DGKB: variants seen among roughly 807,000 people sequenced by gnomAD.
The protein encoded by DGKB is 90 kDa diacylglycerol kinase.
Under a neutral mutation model 114.3 loss-of-function variants are expected in DGKB, and 67 were observed. The observed-to-expected ratio is 0.59, with a 90% CI of 0.48 to 0.72. DGKB has a LOEUF of 0.72. Ranked by LOEUF, DGKB falls within the 30% of genes least tolerant of loss-of-function variation. The probability of loss-of-function intolerance (pLI) is 0.00; values close to 1 mark genes in which losing one functional copy is unlikely to be tolerated. For synonymous variants in DGKB, 398 were observed against 323.1 expected (o/e 1.23, Z -2.49); for missense variants, 907 against 975.2 (o/e 0.93, Z 0.93).
chr7:14,570,382 T>C (rs945963259), intron 20 of DGKB, among the ~76,000 whole-genome samples: 13 of 152,034 alleles, frequency 8.6e-5, no homozygotes, highest in African/African-American at 3.1e-4. Context: ...CTTGACTTTT[T>C]GTATTTAAAT....
intron 3 of DGKB, among the ~76,000 whole-genome samples, chr7:14,754,323 T>C (rs1306428115): frequency 3.9e-5 from 6 of 152,272 alleles, no homozygotes; most frequent in Admixed American, 1.3e-4. Context: ...ATTAGATAAA[T>C]ATAATATGTA....
At chr7:14,935,337 C>T (rs1785219495) in intron 1 of DGKB, among the ~76,000 whole-genome samples, 1 of 152,022 alleles carries the variant, frequency 6.6e-6, no homozygotes, top group Non-Finnish European at 1.5e-5. Flanking sequence ...AGAGTTTCGC[C>T]AAGGCTTAAT....
chr7:14,903,014 A>G (rs112010573), upstream of DGKB: 26 of 151,988 alleles, frequency 1.7e-4, 2 homozygotes, highest in African/African-American at 6.3e-4. Flanking sequence ...CCGCTCCTCT[A>G]TCGCGTCCAC....
chr7:14,596,499 C>A (rs997701649), intron 17 of DGKB, among the ~76,000 whole-genome samples: 1 of 152,094 alleles, frequency 6.6e-6, no homozygotes, highest in African/African-American at 2.4e-5. Flanking sequence ...TGGGGATATG[C>A]CTGGAAGTCA....
chr7:14,965,654 C>T (rs1787106630), intron 1 of DGKB, among the ~76,000 whole-genome samples: 1 of 152,038 alleles, frequency 6.6e-6, no homozygotes, highest in Non-Finnish European at 1.5e-5. Flanking sequence ...GTTTAACACA[C>T]AGAAATGAAA....
intron 8 of DGKB, 69 bp from the exon 9 acceptor site, chr7:14,694,263 T>A: frequency 7.2e-7 from 1 of 1,387,408 alleles, no homozygotes; most frequent in Non-Finnish European, 9.9e-7. Flanking sequence ...CTACAACATA[T>A]GAAATTGTGA....
intron 23 of DGKB, among the ~76,000 whole-genome samples, chr7:14,304,247 T>G (rs1480483612): frequency 2.0e-5 from 3 of 152,116 alleles, no homozygotes; most frequent in Non-Finnish European, 4.4e-5. Flanking sequence ...TTATTTTTAT[T>G]TTTTATTTTT....
intron 20 of DGKB, among the ~76,000 whole-genome samples, chr7:14,531,394 C>T (rs1791562699): frequency 6.6e-6 from 1 of 151,376 alleles, no homozygotes; most frequent in Non-Finnish European, 1.5e-5. Flanking sequence ...GAAAAATTAA[C>T]TATTTCTATA....
At chr7:14,530,444 T>C (rs1039343758) in intron 20 of DGKB, among the ~76,000 whole-genome samples, 12 of 151,572 alleles carry the variant, frequency 7.9e-5, no homozygotes, top group African/African-American at 2.7e-4. Context: ...ATGATTGACC[T>C]ATAAATAGTT....
upstream of DGKB, among the ~76,000 whole-genome samples, chr7:14,906,841 T>G (rs1783737087): frequency 6.6e-6 from 1 of 152,226 alleles, no homozygotes; most frequent in African/African-American, 2.4e-5. Flanking sequence ...AAACATTTAT[T>G]AAACATCTAT....
intron 2 of DGKB, among the ~76,000 whole-genome samples, chr7:14,796,510 C>T (rs1015179155): frequency 1.3e-5 from 2 of 151,968 alleles, no homozygotes; most frequent in Admixed American, 1.3e-4. Flanking sequence ...AAATTGTAAT[C>T]AGAGATGAAA....
intron 20 of DGKB, among the ~76,000 whole-genome samples, chr7:14,485,125 C>A (rs563508272): frequency 9.6e-4 from 144 of 149,992 alleles, no homozygotes; most frequent in African/African-American, 3.5e-3. Flanking sequence ...CACACACACA[C>A]ACACACACAC....
intron 1 of DGKB, among the ~76,000 whole-genome samples, chr7:14,909,745 A>AT (rs1783889165): frequency 1.3e-5 from 2 of 152,166 alleles, no homozygotes; most frequent in Non-Finnish European, 1.5e-5. Flanking sequence ...GTCTTGGGTG[A>AT]TTTATCTAAA....
intron 20 of DGKB, among the ~76,000 whole-genome samples, chr7:14,489,702 G>A (rs923190428): frequency 9.9e-5 from 15 of 152,126 alleles, no homozygotes; most frequent in African/African-American, 3.1e-4. Context: ...TGACCAAAGC[G>A]GTATGAGTGG....
intron 20 of DGKB, among the ~76,000 whole-genome samples, chr7:14,489,024 C>CT (rs11399215): frequency 0.075 from 11,428 of 152,118 alleles, 957 homozygotes; most frequent in African/African-American, 0.21. Flanking sequence ...TCATCTGTGT[C>CT]TTAACATAGA....
intron 20 of DGKB, among the ~76,000 whole-genome samples, chr7:14,571,148 T>C (rs1798321197): frequency 6.6e-6 from 1 of 151,952 alleles, no homozygotes; most frequent in Admixed American, 6.6e-5. Context: ...CCAAAGCATA[T>C]AAAAAAAATG....
At chr7:14,885,603 T>A (rs1395277741) in intron 1 of DGKB, among the ~76,000 whole-genome samples, 1 of 151,916 alleles carries the variant, frequency 6.6e-6, no homozygotes, top group Non-Finnish European at 1.5e-5. Context: ...CGTGCCTACA[T>A]ACATGGATGG....
At chr7:14,462,745 A>G (rs1484168638) in intron 21 of DGKB, among the ~76,000 whole-genome samples, 1 of 152,202 alleles carries the variant, frequency 6.6e-6, no homozygotes, top group Admixed American at 6.5e-5. Context: ...AAACTACTTT[A>G]AATTTCATAT....
chr7:14,657,400 A>G (rs1407830829), intron 13 of DGKB, among the ~76,000 whole-genome samples: 1 of 151,926 alleles, frequency 6.6e-6, no homozygotes, highest in Non-Finnish European at 1.5e-5. Context: ...CTATGATGAC[A>G]ATTATGAATT....
Sources: allele counts gnomAD v4.1 joint callset (sites outside exome capture counted in the v4.1 genomes callset), GRCh38; gene constraint gnomAD v4.1.1; transcripts MANE v1.5; gene names NCBI Gene and HGNC (gene_info 2026-07-23, HGNC 2026-07-21).